Variants in SMARCA5 observed in about 807,000 individuals in gnomAD.
SMARCA5 encodes the protein SWI/SNF-related matrix-associated actin-dependent regulator of chromatin subfamily A member 5.
In SMARCA5, 18 loss-of-function variants were observed where a neutral mutation model predicts 140.4. The observed-to-expected ratio is 0.13, with a 90% CI of 0.09 to 0.19. SMARCA5 has a LOEUF of 0.19. Among genes scored for constraint, SMARCA5 ranks in the 10% least tolerant of loss-of-function variants. The pLI, the probability that SMARCA5 is intolerant of heterozygous loss-of-function variation, is 1.00. For missense variants in SMARCA5, 606 were observed against 1,276.8 expected (o/e 0.47, Z 8.01); for synonymous variants, 449 against 419.6 (o/e 1.07, Z -0.86).
rs1285303814 is a variant in SMARCA5 at position 143,513,948 on chromosome 4, G to A, written c.24G>A (p.Pro8=). The A allele has an allele frequency of 6.5e-7, 1 of 1,548,322 alleles. No homozygotes were observed. The highest frequency in any genetic ancestry group is 1.2e-5 in the South Asian group (1 of 85,260). The change falls in exon 1 of 24, where the codon CCG becomes CCA. Residue 8 remains proline, a synonymous_variant. Transcript: ENST00000283131. ...TCATGTCGTCCGCGGCCGAGCCTCC[G>A]CCACCCCCGCCTCCCGAGAGCGCGC... MSSAAEP[P]PPPPPESAPS... is the part of the protein sequence containing the mutation.
chr4:143,535,664 A>G (rs1737287216), intron 10 of SMARCA5, among the ~76,000 whole-genome samples: 1 of 152,168 alleles, frequency 6.6e-6, no homozygotes, highest in Non-Finnish European at 1.5e-5. Flanking sequence ...AAGGAAAGAC[A>G]AATCTTTTTT....
At chr4:143,540,230 G>C in intron 13 of SMARCA5, 133 bp from the exon 14 acceptor site, 1 of 583,936 alleles carries the variant, frequency 1.7e-6, no homozygotes, top group Non-Finnish European at 2.9e-6. Context: ...ATTCCTTACA[G>C]ATGCAGTGTT....
intron 10 of SMARCA5, among the ~76,000 whole-genome samples, chr4:143,535,985 C>T (rs1578799315): frequency 6.6e-6 from 1 of 152,068 alleles, no homozygotes; most frequent in African/African-American, 2.4e-5. Context: ...CATCATCATG[C>T]CTTACCATTT....
chr4:143,523,595 G>T (rs191884393), intron 3 of SMARCA5, among the ~76,000 whole-genome samples: 1 of 152,288 alleles, frequency 6.6e-6, no homozygotes, highest in Admixed American at 6.5e-5. Context: ...ATGATTAGAA[G>T]CATATATAAC....
At chr4:143,522,395 G>C (rs1487566972) in intron 3 of SMARCA5, among the ~76,000 whole-genome samples, 1 of 152,102 alleles carries the variant, frequency 6.6e-6, no homozygotes, top group East Asian at 1.9e-4. Flanking sequence ...CCCTGAAATG[G>C]CTTTGTGTAA....
chr4:143,554,180 C>T lies in SMARCA5; in HGVS notation c.*996C>T, dbSNP rs1737703723. Reference sequence around the variant, plus strand: ...GTTTTCTATGGACAGACCTGATAAACTGGAGACCCTAAAGCAGGAATACCC... The same window carrying T: ...GTTTTCTATGGACAGACCTGATAAATTGGAGACCCTAAAGCAGGAATACCC... On this transcript the variant is annotated 3_prime_UTR_variant, in exon 24 of 24. Transcript: ENST00000283131. 1 of 152,028 alleles carries T rather than the reference C, an allele frequency of 6.6e-6. No individual in the cohort carries two copies. The highest frequency in any genetic ancestry group is 6.5e-5 in the Admixed American group (1 of 15,268). 9.4% of individuals were successfully genotyped at this position (152,028 alleles called of 1,614,324 possible). A position where few individuals can be genotyped will look rare whatever the true frequency, so the allele number is the denominator to read the frequency against.
intron 3 of SMARCA5, among the ~76,000 whole-genome samples, chr4:143,522,511 G>C (rs1350527238): frequency 6.6e-6 from 1 of 152,200 alleles, no homozygotes; most frequent in Non-Finnish European, 1.5e-5. Flanking sequence ...AAAGAGGGAA[G>C]TATGATCTTC....
In SMARCA5 at chr4:143,554,807, G is replaced by A. The variant is rs1322130026; in HGVS notation, c.*1623G>A. The A allele has an allele frequency of 2.2e-5, 4 of 183,424 alleles. No individual in the cohort carries two copies. In the East Asian group the frequency reaches 5.0e-4, roughly 23 times the overall value. The allele number at this position is 183,424 out of a possible 1,614,324, so 11.4% of individuals were successfully genotyped here. On this transcript the variant is annotated 3_prime_UTR_variant, in exon 24 of 24. Transcript: ENST00000283131. Reference sequence around the variant, plus strand: ...AAATGTAAGGCTGAAGAAAACTTACGGAGGTCACAAAAGTGATGTTTTCAA... The same window carrying A: ...AAATGTAAGGCTGAAGAAAACTTACAGAGGTCACAAAAGTGATGTTTTCAA...
Position 143,539,116 on chromosome 4 carries a change from G to C in SMARCA5, c.1770+178G>C, listed in dbSNP as rs181766870. Among the ~76,000 whole-genome samples the C allele has an allele frequency of 5.5e-4, 84 of 152,206 alleles. 1 individual carries two copies. The East Asian group carries it at 0.012, about 21-fold the overall frequency. On this transcript the variant is annotated intron_variant, in intron 13 of 23. Coordinates refer to ENST00000283131, the MANE Select transcript of SMARCA5 (RefSeq NM_003601.4). ...TAAATAAGGGTATTTCCATCTCAGG[G>C]ATCTGCCATATCTTAGGACCCTGGA...
intron 1 of SMARCA5, 60 bp downstream of exon 1, chr4:143,514,161 G>A (rs1283805669): frequency 2.1e-6 from 3 of 1,419,692 alleles, no homozygotes; most frequent in Admixed American, 2.6e-5. Context: ...TGGCTCCCTC[G>A]CCGGATCGTG....
intron 4 of SMARCA5, among the ~76,000 whole-genome samples, chr4:143,524,935 A>G (rs942782605): frequency 2.0e-5 from 3 of 152,194 alleles, no homozygotes; most frequent in African/African-American, 4.8e-5. Flanking sequence ...GGTGACCGTT[A>G]TGTATATTTG....
chr4:143,541,348 C>T (rs1274643475), intron 14 of SMARCA5, among the ~76,000 whole-genome samples: 1 of 152,146 alleles, frequency 6.6e-6, no homozygotes, highest in Non-Finnish European at 1.5e-5. Context: ...ACATTGTTTA[C>T]TGATTATGTA....
rs140308689 is a variant in SMARCA5 at position 143,527,981 on chromosome 4, A to G, written c.915A>G (p.Leu305=). 760 of 1,587,838 alleles carry G rather than the reference A, an allele frequency of 4.8e-4. 6 individuals carry two copies. Among genetic ancestry groups the G allele is most frequent in the Non-Finnish European group, 2.7e-5 (32 of 1,172,026 alleles). Residue 305 remains leucine, a synonymous_variant, in exon 7 of 24, where the codon TTA becomes TTG. Transcript: ENST00000283131. ...SVFKKFNWRY[L]VIDEAHRIKN... is the part of the protein sequence containing the mutation. ...TCAAAAAATTTAATTGGAGATACTT[A>G]GTAATAGATGAAGCTCACAGGATCA...
chr4:143,539,600 A>G (rs970828265), intron 13 of SMARCA5, among the ~76,000 whole-genome samples: 2 of 149,106 alleles, frequency 1.3e-5, no homozygotes, highest in Non-Finnish European at 3.0e-5. Context: ...GCAATGGTGC[A>G]GTCTTGGCTC....
chr4:143,528,894 C>T (rs1471003343), intron 8 of SMARCA5, among the ~76,000 whole-genome samples, 180 bp downstream of exon 8: 1 of 151,954 alleles, frequency 6.6e-6, no homozygotes, highest in African/African-American at 2.4e-5. Context: ...TGGGAATTTA[C>T]TTTTGTGCCT....
At chr4:143,549,963 GA>G (rs1442753502) in intron 22 of SMARCA5, 33 bp from the exon 23 acceptor site, 1 of 1,190,260 alleles carries the variant, frequency 8.4e-7, no homozygotes, top group Admixed American at 1.8e-5. Flanking sequence ...CTTGTGGATG[GA>G]AAGTGCGTGT....
At position 143,553,251 on chromosome 4, in the gene SMARCA5, ATGTAC is replaced by A; in HGVS notation, c.*73_*77del. ...TCTTTAATTTACGGGTCTTCATAAG[ATGTAC>A]TGTACAATGCTCAATTGTTATGTCA... On this transcript the variant is annotated 3_prime_UTR_variant, in exon 24 of 24. Transcript: ENST00000283131. 1.9e-6 allele frequency: 2 copies of A among 1,065,642 alleles called. No homozygotes were observed. Among genetic ancestry groups the A allele is most frequent in the South Asian group, 1.3e-5 (1 of 79,286 alleles). 66.0% of individuals were successfully genotyped at this position (1,065,642 alleles called of 1,614,324 possible). A position where few individuals can be genotyped will look rare whatever the true frequency, so the allele number is the denominator to read the frequency against.
chr4:143,528,310 A>C (rs532936636), intron 7 of SMARCA5, among the ~76,000 whole-genome samples: 1 of 151,682 alleles, frequency 6.6e-6, no homozygotes, highest in East Asian at 1.9e-4. Flanking sequence ...TCATTGTTCA[A>C]CTCCCACTTA....
intron 3 of SMARCA5, among the ~76,000 whole-genome samples, chr4:143,521,979 C>T (rs897852466): frequency 6.0e-5 from 9 of 149,884 alleles, no homozygotes; most frequent in Non-Finnish European, 1.2e-4. Flanking sequence ...TTGTAACAAT[C>T]ATGTTGAGTA....
Sources: allele counts gnomAD v4.1 joint callset (sites outside exome capture counted in the v4.1 genomes callset), GRCh38; gene constraint gnomAD v4.1.1; transcripts MANE v1.5; gene names NCBI Gene and HGNC (gene_info 2026-07-23, HGNC 2026-07-21).